KALRN: variants seen among roughly 807,000 people sequenced by gnomAD.
KALRN encodes the protein kalirin RhoGEF kinase, also known as kalirin.
In KALRN, 70 loss-of-function variants were observed where a neutral mutation model predicts 353.7. The observed-to-expected ratio is 0.20, with a 90% CI of 0.16 to 0.24. KALRN has a LOEUF of 0.24. Ranked by LOEUF, KALRN falls within the 10% of genes least tolerant of loss-of-function variation. The probability of loss-of-function intolerance (pLI) is 1.00; values close to 1 mark genes in which losing one functional copy is unlikely to be tolerated. For missense variants in KALRN, 2,791 were observed against 3,756.7 expected, an observed-to-expected ratio of 0.74 and a Z score of 6.72; for synonymous variants, 1,391 against 1,434.8, an observed-to-expected ratio of 0.97 and a Z score of 0.69.
chr3:124,307,574 A>ATAAGT (rs146130720), intron 6 of KALRN, among the ~76,000 whole-genome samples: 94,825 of 151,046 alleles, frequency 0.63, 29,978 homozygotes, highest in South Asian at 0.78. Context: ...GCTGATTCTG[A>ATAAGT]TAAGGTGTAT....
At chr3:124,634,021 A>T (rs10428097) in intron 36 of KALRN, 68 bp downstream of exon 36, 165,023 of 1,172,484 alleles carry the variant, frequency 0.14, 11,919 homozygotes, top group Middle Eastern at 0.18. Flanking sequence ...TTTGTGTGTG[A>T]TGGGGGTAGT....
intron 1 of KALRN, among the ~76,000 whole-genome samples, chr3:124,169,613 T>C (rs145723097): frequency 1.3e-5 from 2 of 152,268 alleles, no homozygotes; most frequent in East Asian, 3.9e-4. Flanking sequence ...TGGCGCCTCA[T>C]GTCCAGTGAA....
chr3:124,677,363 C>T (rs2150438589), intron 49 of KALRN: 2 of 297,136 alleles, frequency 6.7e-6, no homozygotes, highest in South Asian at 6.0e-5. Flanking sequence ...AAGGGCTCTG[C>T]TCTGAGCTTG....
intron 1 of KALRN, among the ~76,000 whole-genome samples, chr3:124,102,710 A>G (rs1407944494): frequency 6.6e-6 from 1 of 152,212 alleles, no homozygotes; most frequent in African/African-American, 2.4e-5. Context: ...CCTGAGGGCA[A>G]GCCCTTGTCC....
chr3:124,281,894 G>A (rs185357418), intron 5 of KALRN, among the ~76,000 whole-genome samples: 163 of 152,278 alleles, frequency 1.1e-3, no homozygotes, highest in African/African-American at 3.8e-3. Context: ...CAAAACCTGT[G>A]AACACTGAGC....
At chr3:124,268,647 T>G in intron 4 of KALRN, 96 bp from the exon 5 acceptor site, 1 of 1,291,598 alleles carries the variant, frequency 7.7e-7, no homozygotes, top group Non-Finnish European at 1.1e-6. Context: ...GTGGTCATTA[T>G]TATGTGGATT....
chr3:124,453,270 C>T (rs968466283), intron 21 of KALRN, among the ~76,000 whole-genome samples: 5 of 152,204 alleles, frequency 3.3e-5, no homozygotes, highest in Admixed American at 6.5e-5. Flanking sequence ...TCCTTTCCTT[C>T]ACACCAAAGC....
intron 51 of KALRN, 121 bp downstream of exon 51, chr3:124,679,638 C>T (rs756735647): frequency 2.4e-6 from 2 of 840,132 alleles, no homozygotes; most frequent in African/African-American, 1.7e-5. Context: ...TGGGGCATCT[C>T]TGGGTATCCC....
chr3:124,553,912 T>A (rs543246146), intron 33 of KALRN, among the ~76,000 whole-genome samples: 1 of 152,218 alleles, frequency 6.6e-6, no homozygotes, highest in Non-Finnish European at 1.5e-5. Flanking sequence ...CCAGGGGCAA[T>A]GAGATGAAGA....
chr3:124,110,986 A>G (rs1366814980), intron 1 of KALRN, among the ~76,000 whole-genome samples: 4 of 152,224 alleles, frequency 2.6e-5, no homozygotes, highest in Non-Finnish European at 5.9e-5. Context: ...CTCTCAAGGC[A>G]AAAGCTTTTT....
intron 1 of KALRN, among the ~76,000 whole-genome samples, chr3:124,064,818 CGTT>C (rs1407221821): frequency 6.6e-6 from 1 of 152,178 alleles, no homozygotes; most frequent in East Asian, 1.9e-4. Context: ...GCTACACACA[CGTT>C]GTTTCCAAAA....
intron 33 of KALRN, among the ~76,000 whole-genome samples, chr3:124,507,807 A>G (rs1278303435): frequency 6.6e-6 from 1 of 152,250 alleles, no homozygotes; most frequent in African/African-American, 2.4e-5. Context: ...GCCAGATGAG[A>G]TACACATTTA....
At chr3:124,619,482 C>CTTTTTTT (rs59009780) in intron 34 of KALRN, among the ~76,000 whole-genome samples, 5 of 104,636 alleles carry the variant, frequency 4.8e-5, no homozygotes, top group South Asian at 3.6e-4. Context: ...TATTTTCCTT[C>CTTTTTTT]TTTTTTTTTT....
intron 6 of KALRN, among the ~76,000 whole-genome samples, chr3:124,323,536 G>T (rs2079563956): frequency 6.6e-6 from 1 of 152,158 alleles, no homozygotes; most frequent in Non-Finnish European, 1.5e-5. Context: ...GGCAGCCACA[G>T]TTGGACACCT....
chr3:124,443,451 A>G (rs1358926427), intron 19 of KALRN, among the ~76,000 whole-genome samples: 1 of 152,234 alleles, frequency 6.6e-6, no homozygotes, highest in Non-Finnish European at 1.5e-5. Flanking sequence ...GAGAGAACAG[A>G]GACCACTGGA....
chr3:124,117,013 G>A (rs2063517279), intron 1 of KALRN, among the ~76,000 whole-genome samples: 2 of 152,312 alleles, frequency 1.3e-5, no homozygotes, highest in Admixed American at 1.3e-4. Context: ...TTGCTTTGAA[G>A]CAGAGTTACT....
At chr3:124,169,058 CTG>C (rs1462340481) in intron 1 of KALRN, among the ~76,000 whole-genome samples, 4 of 152,182 alleles carry the variant, frequency 2.6e-5, no homozygotes, top group African/African-American at 9.7e-5. Flanking sequence ...TGTTTATTGA[CTG>C]TGTTATCTGG....
chr3:124,108,284 T>A (rs889777610), intron 1 of KALRN, among the ~76,000 whole-genome samples: 3 of 152,200 alleles, frequency 2.0e-5, no homozygotes, highest in African/African-American at 4.8e-5. Flanking sequence ...GGTACATTTC[T>A]CTTCTCACTA....
chr3:124,723,527 T>G lies in KALRN; in HGVS notation c.*4057T>G, dbSNP rs1022814704. ...GCTACACACTGCCAGTGCTAAGAAT[T>G]TTATTGATAGTAACTTTGAACATTC... On this transcript the variant is annotated 3_prime_UTR_variant, in exon 60 of 60. Transcript: ENST00000682506. The G allele has an allele frequency of 2.0e-5, 3 of 152,204 alleles. No individual in the cohort carries two copies. The highest frequency in any genetic ancestry group is 2.9e-5 in the Non-Finnish European group (2 of 68,038). The allele number at this position is 152,204 out of a possible 1,614,324, so 9.4% of individuals were successfully genotyped here.
Sources: gnomAD v4.1 joint callset for allele counts (sites outside exome capture counted in the v4.1 genomes callset) on GRCh38, gnomAD v4.1.1 for gene constraint, MANE v1.5 for transcripts, NCBI Gene and HGNC (gene_info 2026-07-23, HGNC 2026-07-21) for gene names.